The following CDH23 variants were observed in gnomAD, a reference collection of about 807,000 sequenced individuals.
CDH23 encodes the protein cadherin-23.
Under a neutral mutation model 317.1 loss-of-function variants are expected in CDH23, and 189 were observed. That is an observed-to-expected ratio of 0.60 (90% CI 0.53 to 0.67). The LOEUF is 0.67. Ranked by LOEUF, CDH23 falls within the 30% of genes least tolerant of loss-of-function variation. The pLI is 0.00. For synonymous variants in CDH23, 1,839 were observed against 1,876.8 expected (o/e 0.98, Z 0.52); for missense variants, 4,401 against 4,592.4 (o/e 0.96, Z 1.20).
chr10:71,577,494 C>A (rs2132398894), intron 8 of CDH23, among the ~76,000 whole-genome samples: 1 of 152,260 alleles, frequency 6.6e-6, no homozygotes, highest in South Asian at 2.1e-4. Flanking sequence ...AGGTCCCAGG[C>A]TTTTTGCTGT....
chr10:71,614,145 A>G (rs1861056469), intron 9 of CDH23, among the ~76,000 whole-genome samples: 1 of 152,156 alleles, frequency 6.6e-6, no homozygotes, highest in African/African-American at 2.4e-5. Context: ...GAGCTTTCCC[A>G]TCTGTAAACA....
intron 3 of CDH23, among the ~76,000 whole-genome samples, chr10:71,486,461 C>T (rs925608659): frequency 4.5e-4 from 67 of 150,532 alleles, no homozygotes; most frequent in Admixed American, 3.0e-3. Context: ...GGGCAGGAGG[C>T]GGGGATTATG....
At chr10:71,466,928 T>C (rs1851283445) in intron 3 of CDH23, among the ~76,000 whole-genome samples, 1 of 152,162 alleles carries the variant, frequency 6.6e-6, no homozygotes, top group Non-Finnish European at 1.5e-5. Flanking sequence ...GCAGACTGCC[T>C]TGGAGACTGC....
rs908830256 is a variant in CDH23 at position 71,807,842 on chromosome 10, G to A, written c.8561-4G>A. ...CCACTTACACCACCTGCCTCTTCCT[G>A]CAGGGGTGGCCACCGACGCCAAGGT... On this transcript the variant is annotated splice_polypyrimidine_tract_variant and splice_region_variant and intron_variant, in intron 59 of 69. Transcript: ENST00000224721. The A allele has an allele frequency of 3.8e-6, 6 of 1,599,016 alleles. No individual in the cohort carries two copies. In the East Asian group the frequency reaches 1.4e-4, roughly 36 times the overall value.
chr10:71,810,196 C>G (rs755746885), intron 61 of CDH23, 120 bp downstream of exon 61: 1 of 1,219,108 alleles, frequency 8.2e-7, no homozygotes, highest in Non-Finnish European at 1.2e-6. Context: ...ATAGTCCCTA[C>G]TTAGTCATTT....
intron 12 of CDH23, 158 bp from the exon 13 acceptor site, chr10:71,645,673 C>T: frequency 1.2e-6 from 1 of 841,734 alleles, no homozygotes; most frequent in Non-Finnish European, 2.0e-6. Flanking sequence ...AGTCTTGGAG[C>T]TGCTCTGGGA....
intron 6 of CDH23, among the ~76,000 whole-genome samples, chr10:71,555,498 G>A (rs75843015): frequency 5.0e-4 from 76 of 152,292 alleles, no homozygotes; most frequent in African/African-American, 1.7e-3. Context: ...CCAGCCGTCC[G>A]TCCCTGATGC....
intron 41 of CDH23, among the ~76,000 whole-genome samples, chr10:71,780,617 A>G (rs1357527717): frequency 6.6e-6 from 1 of 152,084 alleles, no homozygotes; most frequent in African/African-American, 2.4e-5. Flanking sequence ...ATGGGGCCAG[A>G]TGTTGTCGGG....
chr10:71,739,758 CACT>C lies in CDH23; in HGVS notation c.4477_4479del (p.Tyr1493del). The C allele has an allele frequency of 6.2e-7, 1 of 1,611,638 alleles. No homozygotes were observed. Among genetic ancestry groups the C allele is most frequent in the Non-Finnish European group, 8.5e-7 (1 of 1,178,996 alleles). On this transcript the variant is annotated inframe_deletion, in exon 36 of 70. Transcript: ENST00000224721. ...GCCCCTGGACAGAGAAGAGCTGGAT[CACT>C]ACATCCTCCAGGTGGGGCCTGGCCT...
At chr10:71,721,929 A>G (rs1421728128) in intron 28 of CDH23, among the ~76,000 whole-genome samples, 1 of 152,088 alleles carries the variant, frequency 6.6e-6, no homozygotes. Context: ...CCCAGCACAA[A>G]TGTTCTTCCC....
intron 6 of CDH23, among the ~76,000 whole-genome samples, chr10:71,544,293 C>T (rs1227274467): frequency 3.9e-5 from 6 of 152,080 alleles, no homozygotes; most frequent in South Asian, 4.1e-4. Context: ...TCCAGTGGAC[C>T]GAGAGAGTGG....
intron 19 of CDH23, among the ~76,000 whole-genome samples, chr10:71,690,248 A>G (rs1268639456): frequency 6.6e-6 from 1 of 152,026 alleles, no homozygotes; most frequent in Non-Finnish European, 1.5e-5. Context: ...CCTTGTCCCC[A>G]CCCAGCCCAG....
At chr10:71,463,597 G>T (rs1589105044) in intron 3 of CDH23, among the ~76,000 whole-genome samples, 1 of 152,200 alleles carries the variant, frequency 6.6e-6, no homozygotes. Flanking sequence ...GGGGAAGTTA[G>T]TATTCCCTTA....
At chr10:71,478,265 G>T (rs541044269) in intron 3 of CDH23, among the ~76,000 whole-genome samples, 1 of 152,170 alleles carries the variant, frequency 6.6e-6, no homozygotes, top group Non-Finnish European at 1.5e-5. Context: ...GCTTCTCACC[G>T]TCATCTCTTA....
In CDH23 at chr10:71,799,195, C is replaced by T. The variant is rs4747195; in HGVS notation, c.7139C>T (p.Pro2380Leu). 463,730 of 1,613,748 alleles carry T rather than the reference C, an allele frequency of 0.29. 70,103 individuals are homozygous for T. Among genetic ancestry groups the T allele is most frequent in the East Asian group, 0.57 (25,580 of 44,850 alleles). Reference protein sequence around the residue: ...FTVRASDNGSPPRAAEIPVYL... With the variant: ...FTVRASDNGSLPRAAEIPVYL... ...GTGAGGGCCTCAGACAACGGGTCCC[C>T]GCCCCGGGCAGCTGAGATCCCTGTC... The change falls in exon 51 of 70, where the codon CCG becomes CTG. Residue 2380 changes from proline to leucine, a missense_variant. Physicochemically the swap from Pro to Leu is moderately conservative, Grantham distance 98 (BLOSUM62 -3). Around this residue, in one of 3 missense-constraint regions of CDH23, gnomAD observed 189 missense variants for 250.9 expected, o/e 0.75. Coordinates refer to ENST00000224721, the MANE Select transcript of CDH23 (RefSeq NM_022124.6).
intron 27 of CDH23, among the ~76,000 whole-genome samples, chr10:71,709,535 G>A (rs1056895296): frequency 4.6e-5 from 7 of 152,268 alleles, no homozygotes; most frequent in African/African-American, 1.7e-4. Context: ...CACAGAGTGG[G>A]AGAGGTCACG....
intron 11 of CDH23, among the ~76,000 whole-genome samples, chr10:71,629,672 G>A (rs994454336): frequency 2.0e-5 from 3 of 152,202 alleles, no homozygotes; most frequent in Admixed American, 6.5e-5. Context: ...GCCATTGCAG[G>A]AGTGAATGAA....
At chr10:71,463,449 T>A (rs1379213782) in intron 3 of CDH23, among the ~76,000 whole-genome samples, 1 of 152,208 alleles carries the variant, frequency 6.6e-6, no homozygotes, top group Non-Finnish European at 1.5e-5. Context: ...AAAAGAGTAA[T>A]GAACAATGGG....
chr10:71,641,208 T>A (rs1171897165), intron 11 of CDH23, among the ~76,000 whole-genome samples: 2 of 152,196 alleles, frequency 1.3e-5, no homozygotes, highest in Non-Finnish European at 2.9e-5. Context: ...GCAGTGTGGT[T>A]CCCTGGGGAG....
Sources: gnomAD v4.1 joint callset for allele counts (sites outside exome capture counted in the v4.1 genomes callset) on GRCh38, gnomAD v4.1.1 for gene constraint, gnomAD v4.1.1 regional missense constraint, MANE v1.5 for transcripts, NCBI Gene and HGNC (gene_info 2026-07-23, HGNC 2026-07-21) for gene names.